NIPA1: variants seen among roughly 807,000 people sequenced by gnomAD.
The protein encoded by NIPA1 is NIPA magnesium transporter 1, also known as magnesium transporter NIPA1.
Under a neutral mutation model 23.9 loss-of-function variants are expected in NIPA1, and 13 were observed. The ratio of observed to expected loss-of-function variants is 0.54; its 90% CI spans 0.35 to 0.87. The LOEUF (loss-of-function observed/expected upper bound fraction) is 0.87. Among genes scored for constraint, NIPA1 ranks in the 40% least tolerant of loss-of-function variants. The pLI is 0.01. For missense variants in NIPA1, 362 were observed against 429.7 expected, an observed-to-expected ratio of 0.84 and a Z score of 1.39; for synonymous variants, 234 against 202.9, an observed-to-expected ratio of 1.15 and a Z score of -1.30.
At position 22,827,795 on chromosome 15, in the gene NIPA1, C is replaced by G. The variant is rs1364474708; in HGVS notation, c.*3556C>G. ...TCAACTTCTAGGGGCCAGTTCTAGA[C>G]TTTGGAGATGCAGTGTCTCCCAGGT... On this transcript the variant is annotated 3_prime_UTR_variant, in exon 5 of 5. Coordinates refer to ENST00000337435, the MANE Select transcript of NIPA1 (RefSeq NM_144599.5). The G allele has an allele frequency of 6.6e-6, 1 of 152,110 alleles. No individual in the cohort carries two copies. Among genetic ancestry groups the G allele is most frequent in the Non-Finnish European group, 1.5e-5 (1 of 68,036 alleles). 9.4% of individuals were successfully genotyped at this position (152,110 alleles called of 1,614,324 possible).
chr15:22,823,698 C>A (rs1453943515), intron 4 of NIPA1, 30 bp from the exon 5 acceptor site: 2 of 1,581,656 alleles, frequency 1.3e-6, no homozygotes, highest in Admixed American at 1.8e-5. Context: ...GGCGGTGGCT[C>A]CGGGTGACTG....
At chr15:22,800,655 A>G (rs6606827) in intron 1 of NIPA1, among the ~76,000 whole-genome samples, 139,355 of 152,038 alleles carry the variant, frequency 0.92, 64,039 homozygotes, top group East Asian at 1. Flanking sequence ...GGCACCGGGC[A>G]TCGTGGCTCA....
At chr15:22,788,103 A>T (rs1465113916) in intron 1 of NIPA1, among the ~76,000 whole-genome samples, 1 of 152,104 alleles carries the variant, frequency 6.6e-6, no homozygotes, top group Non-Finnish European at 1.5e-5. Context: ...TGAGATGGTC[A>T]ACGCGCGTGA....
At chr15:22,788,808 A>G (rs1894766524) in intron 1 of NIPA1, among the ~76,000 whole-genome samples, 1 of 148,642 alleles carries the variant, frequency 6.7e-6, no homozygotes, top group Non-Finnish European at 1.5e-5. Context: ...AATCCCAGCT[A>G]CTCGGGAGGC....
intron 1 of NIPA1, among the ~76,000 whole-genome samples, chr15:22,807,926 G>A (rs58427608): frequency 0.071 from 10,734 of 151,934 alleles, 833 homozygotes; most frequent in African/African-American, 0.19. Flanking sequence ...TGGGACTACA[G>A]GCGCCCACCA....
intron 1 of NIPA1, among the ~76,000 whole-genome samples, chr15:22,807,997 G>A (rs1761398367): frequency 6.6e-6 from 1 of 151,922 alleles, no homozygotes; most frequent in African/African-American, 2.4e-5. Flanking sequence ...CACTGTGTTA[G>A]CCGGGATGGT....
At chr15:22,816,422 TGTG>T (rs1428493853) in intron 3 of NIPA1, among the ~76,000 whole-genome samples, 1 of 149,752 alleles carries the variant, frequency 6.7e-6, no homozygotes, top group Admixed American at 6.7e-5. Context: ...TTCCTGACCT[TGTG>T]GTCTGCCTGC....
chr15:22,788,153 C>T (rs537543331), intron 1 of NIPA1, among the ~76,000 whole-genome samples: 1 of 152,054 alleles, frequency 6.6e-6, no homozygotes, highest in African/African-American at 2.4e-5. Flanking sequence ...CCTCACCTCC[C>T]CAATCCACGG....
intron 1 of NIPA1, among the ~76,000 whole-genome samples, chr15:22,809,787 C>A (rs1895283485): frequency 1.3e-5 from 2 of 150,012 alleles, no homozygotes; most frequent in South Asian, 4.2e-4. Context: ...CACCTGTAAT[C>A]CCAGCATTTT....
At chr15:22,799,943 C>CAAAAAAA (rs61174589) in intron 1 of NIPA1, among the ~76,000 whole-genome samples, 1 of 47,014 alleles carries the variant, frequency 2.1e-5, no homozygotes, top group Non-Finnish European at 3.7e-5. Context: ...GACCCTGTCT[C>CAAAAAAA]AAAAAAAAAA....
At chr15:22,809,644 C>T (rs1293780598) in intron 1 of NIPA1, among the ~76,000 whole-genome samples, 1 of 151,542 alleles carries the variant, frequency 6.6e-6, no homozygotes, top group Admixed American at 6.6e-5. Flanking sequence ...ACTCGGGAGG[C>T]TGAGACGGGA....
At chr15:22,799,366 A>G (rs1895015004) in intron 1 of NIPA1, among the ~76,000 whole-genome samples, 1 of 152,214 alleles carries the variant, frequency 6.6e-6, no homozygotes, top group Non-Finnish European at 1.5e-5. Context: ...CTAAACACAT[A>G]GACATAAAGA....
chr15:22,816,724 T>C lies in NIPA1; in HGVS notation c.318-3589T>C, dbSNP rs529903874. Among the ~76,000 whole-genome samples the C allele has an allele frequency of 1.1e-4, 16 of 146,650 alleles. No homozygotes were observed. The South Asian group carries it at 2.9e-3, about 26-fold the overall frequency. On this transcript the variant is annotated intron_variant, in intron 3 of 4. Coordinates refer to ENST00000337435, the MANE Select transcript of NIPA1 (RefSeq NM_144599.5). ...TAGGCTAGTCTTGAACTCCTGACTTTAGGTGATCCACCCACTTTGGCCTCC... is the reference window on the plus strand; with the variant it reads ...TAGGCTAGTCTTGAACTCCTGACTTCAGGTGATCCACCCACTTTGGCCTCC...
chr15:22,808,450 C>T (rs1368561993), intron 1 of NIPA1, among the ~76,000 whole-genome samples: 1 of 152,174 alleles, frequency 6.6e-6, no homozygotes, highest in African/African-American at 2.4e-5. Context: ...TGGCTCAGGG[C>T]TGGGAGACAG....
At position 22,827,850 on chromosome 15, in the gene NIPA1, G is replaced by C. The variant is rs970987537; in HGVS notation, c.*3611G>C. The C allele has an allele frequency of 6.6e-6, 1 of 152,204 alleles. No homozygotes were observed. The highest frequency in any genetic ancestry group is 1.5e-5 in the Non-Finnish European group (1 of 68,088). The allele number at this position is 152,204 out of a possible 1,614,324, so 9.4% of individuals were successfully genotyped here. ...ACGGACACCTGGTCCGTGGAAACAG[G>C]TGTGATGGGCACAGGCTGCTGCCCT... On this transcript the variant is annotated 3_prime_UTR_variant, in exon 5 of 5. Coordinates refer to ENST00000337435, the MANE Select transcript of NIPA1 (RefSeq NM_144599.5).
chr15:22,800,338 C>T (rs1439287163), intron 1 of NIPA1, among the ~76,000 whole-genome samples: 1 of 152,080 alleles, frequency 6.6e-6, no homozygotes, highest in Non-Finnish European at 1.5e-5. Flanking sequence ...CTTTATTGCA[C>T]CAGAAAATTA....
At chr15:22,821,082 C>T (rs996480099) in intron 4 of NIPA1, among the ~76,000 whole-genome samples, 5 of 151,652 alleles carry the variant, frequency 3.3e-5, no homozygotes, top group Non-Finnish European at 7.4e-5. Context: ...TCTGCCTCAG[C>T]CTCCTGAGTA....
intron 1 of NIPA1, among the ~76,000 whole-genome samples, chr15:22,787,245 G>C (rs1894727956): frequency 6.6e-6 from 1 of 152,128 alleles, no homozygotes; most frequent in Non-Finnish European, 1.5e-5. Flanking sequence ...CGCGGTGCTG[G>C]GGTGCTCGAG....
chr15:22,806,039 T>G (rs1895202291), intron 1 of NIPA1, among the ~76,000 whole-genome samples: 1 of 152,136 alleles, frequency 6.6e-6, no homozygotes, highest in Non-Finnish European at 1.5e-5. Flanking sequence ...TTCTCCTGCC[T>G]CAGCCTCCCG....
Sources: gnomAD v4.1 joint callset for allele counts (sites outside exome capture counted in the v4.1 genomes callset) on GRCh38, gnomAD v4.1.1 for gene constraint, MANE v1.5 for transcripts, NCBI Gene and HGNC (gene_info 2026-07-23, HGNC 2026-07-21) for gene names.